Variants in CALN1 observed in about 807,000 individuals in gnomAD.
The protein encoded by CALN1 is calcium-binding protein 8.
In CALN1, 17 loss-of-function variants were observed where a neutral mutation model predicts 30.6. The ratio of observed to expected loss-of-function variants is 0.56; its 90% confidence interval spans 0.38 to 0.83. The LOEUF (loss-of-function observed/expected upper bound fraction) is 0.83, where lower values mean the gene tolerates loss of function less well. CALN1 is among the 40% of genes least tolerant of loss of function. The pLI, the probability that CALN1 is intolerant of heterozygous loss-of-function variation, is 0.00. For synonymous variants in CALN1, 156 were observed against 131.4 expected (o/e 1.19, Z -1.28); for missense variants, 291 against 354.9 (o/e 0.82, Z 1.45).
upstream of CALN1, among the ~76,000 whole-genome samples, chr7:72,448,754 C>G (rs931763403): frequency 2.0e-5 from 3 of 151,960 alleles, no homozygotes; most frequent in African/African-American, 7.3e-5. Flanking sequence ...TACAGATGTG[C>G]ACCACCATGC....
At chr7:71,833,576 A>AG (rs771524752) in intron 5 of CALN1, among the ~76,000 whole-genome samples, 1 of 92,296 alleles carries the variant, frequency 1.1e-5, no homozygotes, top group Non-Finnish European at 2.7e-5. Context: ...AACATGGTAA[A>AG]GAAAAAAAAA....
At chr7:72,193,309 G>A (rs902231738) in intron 3 of CALN1, among the ~76,000 whole-genome samples, 10 of 152,124 alleles carry the variant, frequency 6.6e-5, no homozygotes, top group Non-Finnish European at 1.5e-4. Context: ...AGCCTGCAGT[G>A]AGCCATGATT....
chr7:72,258,542 G>A (rs1368802454), intron 3 of CALN1, among the ~76,000 whole-genome samples: 1 of 152,174 alleles, frequency 6.6e-6, no homozygotes, highest in Non-Finnish European at 1.5e-5. Context: ...AACTCAACAT[G>A]TTCATCTTTC....
At chr7:72,349,004 A>C (rs915818324) in intron 2 of CALN1, among the ~76,000 whole-genome samples, 14 of 152,212 alleles carry the variant, frequency 9.2e-5, no homozygotes, top group African/African-American at 3.1e-4. Flanking sequence ...GTGAACAATA[A>C]AGGAAGGCAT....
chr7:72,290,898 T>G (rs1045445074), intron 2 of CALN1, among the ~76,000 whole-genome samples: 2 of 150,196 alleles, frequency 1.3e-5, no homozygotes, highest in Non-Finnish European at 2.9e-5. Flanking sequence ...TTCATTATGA[T>G]TCCTATACTT....
chr7:72,054,548 T>A (rs57642521), intron 4 of CALN1, among the ~76,000 whole-genome samples: 1 of 134,232 alleles, frequency 7.4e-6, no homozygotes, highest in African/African-American at 2.9e-5. Flanking sequence ...TATATACATA[T>A]ATATATATAT....
intron 3 of CALN1, among the ~76,000 whole-genome samples, chr7:72,272,598 T>C (rs1470328561): frequency 6.6e-6 from 1 of 152,084 alleles, no homozygotes; most frequent in Non-Finnish European, 1.5e-5. Context: ...GAAATATTAA[T>C]TTTGAGACAT....
chr7:72,341,353 C>T (rs1196577683), intron 2 of CALN1, among the ~76,000 whole-genome samples: 1 of 151,986 alleles, frequency 6.6e-6, no homozygotes, highest in Non-Finnish European at 1.5e-5. Flanking sequence ...TGAAACCACG[C>T]CTCTACTAAA....
At chr7:72,287,608 G>A (rs553592866) in intron 2 of CALN1, among the ~76,000 whole-genome samples, 48 of 151,746 alleles carry the variant, frequency 3.2e-4, no homozygotes, top group Non-Finnish European at 5.7e-4. Flanking sequence ...CACGACGCAC[G>A]GCTAATTTTT....
chr7:71,959,781 A>G (rs112815718), intron 5 of CALN1, among the ~76,000 whole-genome samples: 1 of 152,120 alleles, frequency 6.6e-6, no homozygotes, highest in African/African-American at 2.4e-5. Context: ...GTTCTAGTCT[A>G]TTTCAATTCC....
At chr7:72,311,288 T>C (rs912481138) in intron 2 of CALN1, among the ~76,000 whole-genome samples, 6 of 152,192 alleles carry the variant, frequency 3.9e-5, no homozygotes, top group African/African-American at 1.2e-4. Context: ...AAGAACACAA[T>C]ATATAATATA....
intron 3 of CALN1, among the ~76,000 whole-genome samples, chr7:72,208,258 A>C (rs1684123846): frequency 6.6e-6 from 1 of 152,224 alleles, no homozygotes; most frequent in South Asian, 2.1e-4. Flanking sequence ...TCTTACGTTG[A>C]ATAGGACTTA....
intron 3 of CALN1, among the ~76,000 whole-genome samples, chr7:72,242,846 A>C (rs7795342): frequency 0.36 from 54,294 of 152,108 alleles, 10,659 homozygotes; most frequent in Middle Eastern, 0.55. Context: ...CAATATTACA[A>C]CACTGCACTT....
Position 71,796,892 on chromosome 7 carries a change from T to C in CALN1, c.659-8990A>G, listed in dbSNP as rs112428242. Among the ~76,000 whole-genome samples the C allele has an allele frequency of 3.5e-3, 526 of 152,334 alleles. 5 individuals are homozygous for C. Among genetic ancestry groups the C allele is most frequent in the African/African-American group, 0.011 (462 of 41,574 alleles). ...CAAGCTTGTTCACAGGCTCCATGCA[T>C]GACAGACTGGTGGCTGCCTCAGTGA... On this transcript the variant is annotated intron_variant, in intron 6 of 6. Coordinates refer to ENST00000395275, the MANE Select transcript of CALN1 (RefSeq NM_031468.4).
rs1786621146 is a variant in CALN1, at chr7:71,792,419, T to C, written c.659-4517A>G. Reference sequence around the variant, plus strand: ...CTGAATCCACTGATTTCTGCTTCCCTGGGGCGATTTAAAGTATATGTGGCT... The same window carrying C: ...CTGAATCCACTGATTTCTGCTTCCCCGGGGCGATTTAAAGTATATGTGGCT... On this transcript the variant is annotated intron_variant, in intron 6 of 6. Coordinates refer to ENST00000395275, the MANE Select transcript of CALN1 (RefSeq NM_031468.4). Among the ~76,000 whole-genome samples the C allele has an allele frequency of 2.0e-5, 3 of 152,154 alleles. No individual in the cohort carries two copies. The South Asian group carries it at 6.2e-4, about 32-fold the overall frequency.
chr7:71,904,101 G>T (rs1425575917), intron 5 of CALN1, among the ~76,000 whole-genome samples: 1 of 152,136 alleles, frequency 6.6e-6, no homozygotes, highest in African/African-American at 2.4e-5. Context: ...ACTGTTTGTG[G>T]GAATGTACAT....
chr7:72,330,579 T>C (rs1265407343), intron 2 of CALN1, among the ~76,000 whole-genome samples: 2 of 152,178 alleles, frequency 1.3e-5, no homozygotes, highest in Non-Finnish European at 2.9e-5. Flanking sequence ...TTTTTTATTG[T>C]GTCTTACACC....
chr7:72,254,910 G>A (rs573000088), intron 3 of CALN1, among the ~76,000 whole-genome samples: 60 of 152,002 alleles, frequency 3.9e-4, no homozygotes, highest in African/African-American at 1.4e-3. Context: ...GGGATTACAG[G>A]CTTGCACCAC....
At chr7:72,405,834 C>T (rs1806659297) in intron 1 of CALN1, among the ~76,000 whole-genome samples, 1 of 152,168 alleles carries the variant, frequency 6.6e-6, no homozygotes, top group Non-Finnish European at 1.5e-5. Flanking sequence ...GTAATTAGCT[C>T]CCCATATGCA....
Sources: allele counts gnomAD v4.1 joint callset (sites outside exome capture counted in the v4.1 genomes callset), GRCh38; gene constraint gnomAD v4.1.1; transcripts MANE v1.5; gene names NCBI Gene and HGNC (gene_info 2026-07-23, HGNC 2026-07-21).